The following ARHGEF10L variants were observed in gnomAD, a reference collection of about 807,000 sequenced individuals.
The protein encoded by ARHGEF10L is Rho guanine nucleotide exchange factor 10 like, also known as rho guanine nucleotide exchange factor 10-like protein.
ARHGEF10L carries 69 observed loss-of-function variants against 141.2 expected under a neutral mutation model. The ratio of observed to expected loss-of-function variants is 0.49; its 90% confidence interval spans 0.40 to 0.60. The LOEUF (loss-of-function observed/expected upper bound fraction) is 0.60, where lower values mean the gene tolerates loss of function less well. ARHGEF10L is among the 20% of genes least tolerant of loss of function. The probability of loss-of-function intolerance (pLI) is 0.00; values close to 1 mark genes in which losing one functional copy is unlikely to be tolerated. For missense variants in ARHGEF10L, 1,482 were observed against 1,734.3 expected, an observed-to-expected ratio of 0.85 and a Z score of 2.58; for synonymous variants, 711 against 718.5, an observed-to-expected ratio of 0.99 and a Z score of 0.17.
intron 15 of ARHGEF10L, among the ~76,000 whole-genome samples, chr1:17,631,657 GTGACCTGTGCCATCACACA>G (rs1338616555): frequency 1.8e-4 from 28 of 152,302 alleles, no homozygotes; most frequent in African/African-American, 5.5e-4. Context: ...GTCATCACAC[GTGACCTGTGCCATCACACA>G]TGACCTGTGC....
intron 1 of ARHGEF10L, among the ~76,000 whole-genome samples, chr1:17,565,622 G>T (rs1194047633): frequency 6.6e-6 from 1 of 152,170 alleles, no homozygotes; most frequent in Non-Finnish European, 1.5e-5. Context: ...ACCGCCAGTG[G>T]CTGTGTCTTT....
At chr1:17,695,636 C>T (rs938859218) in intron 28 of ARHGEF10L, among the ~76,000 whole-genome samples, 1 of 152,192 alleles carries the variant, frequency 6.6e-6, no homozygotes, top group Non-Finnish European at 1.5e-5. Context: ...CTTCTGGGGC[C>T]AGGCCCGGCC....
intron 16 of ARHGEF10L, chr1:17,634,218 A>AG (rs1163218946): frequency 6.4e-6 from 3 of 468,112 alleles, no homozygotes; most frequent in Non-Finnish European, 1.1e-5. Flanking sequence ...ATGTTGCTCT[A>AG]GCGCAAAGTG....
chr1:17,639,915 C>T lies in ARHGEF10L; in HGVS notation c.2172-287C>T. On this transcript the variant is annotated intron_variant, in intron 20 of 28. Coordinates refer to ENST00000361221, the MANE Select transcript of ARHGEF10L (RefSeq NM_018125.4). This position sits in a 1 kb window ranked among gnomAD's most constrained non-coding sequence, Gnocchi z 4.3. ...GGTGGAGTCACAGCCTGCAGAGGCT[C>T]TGCCGGGCACAAAGCCAGAGGCTCC... 6.9e-7 allele frequency: 1 copy of T among 1,452,684 alleles called. No homozygotes were observed. The highest frequency in any genetic ancestry group is 3.0e-5 in the East Asian group (1 of 33,348). The allele number at this position is 1,452,684 out of a possible 1,614,324, so 90.0% of individuals were successfully genotyped here.
intron 2 of ARHGEF10L, among the ~76,000 whole-genome samples, chr1:17,580,973 G>A (rs117411279): frequency 0.023 from 3,534 of 152,182 alleles, 59 homozygotes; most frequent in East Asian, 0.075. Context: ...GGGTCAGGCC[G>A]TTGAACAGTG....
Position 17,619,522 on chromosome 1 carries a change from C to A in ARHGEF10L, c.942+77C>A. 1 of 1,201,768 alleles carries A rather than the reference C, an allele frequency of 8.3e-7. No homozygotes were observed. The highest frequency in any genetic ancestry group is 1.2e-6 in the Non-Finnish European group (1 of 858,566). 74.4% of individuals were successfully genotyped at this position (1,201,768 alleles called of 1,614,324 possible). ...GGGGTTCCAGCCTGTTCTCTGGGGCCACGCTTGTCTGGATCTCACAGGGGA... is the reference window on the plus strand; with the variant it reads ...GGGGTTCCAGCCTGTTCTCTGGGGCAACGCTTGTCTGGATCTCACAGGGGA... On this transcript the variant is annotated intron_variant, in intron 10 of 28. Transcript: ENST00000361221. The surrounding 1 kb of genome is among the most constrained non-coding windows in gnomAD (Gnocchi z 5.0).
In ARHGEF10L at chr1:17,603,595, T is replaced by C; in HGVS notation, c.433+4T>C. On this transcript the variant is annotated splice_donor_region_variant and intron_variant, in intron 6 of 28. Transcript: ENST00000361221. The surrounding 1 kb of genome is among the most constrained non-coding windows in gnomAD (Gnocchi z 4.8). ...AGCCCAGATGCGCATCAGCCCGGTA[T>C]GATGTCTGCAGTGCTTCCCTGTTTC... 6.2e-6 allele frequency: 10 copies of C among 1,611,006 alleles called. No individual in the cohort carries two copies. The highest frequency in any genetic ancestry group is 6.8e-6 in the Non-Finnish European group (8 of 1,178,556).
rs1427596804 is a variant in ARHGEF10L, at chr1:17,680,781, C to T, written c.3010-6792C>T. 2.7e-5 allele frequency among the ~76,000 whole-genome samples: 4 copies of T among 147,618 alleles called. No homozygotes were observed. The East Asian group carries it at 7.9e-4, about 29-fold the overall frequency. On this transcript the variant is annotated intron_variant, in intron 26 of 28. Transcript: ENST00000361221. ...TTTTTAAATTACTTTGCCTTTTCTC[C>T]CATAACTTTTTTTTTTTTTGGAGAC...
intron 4 of ARHGEF10L, among the ~76,000 whole-genome samples, chr1:17,588,899 T>TGTGTGTGTGTGTGG (rs1557758147): frequency 6.7e-5 from 2 of 30,046 alleles, no homozygotes; most frequent in East Asian, 8.9e-4. Context: ...TGTGTGTGTG[T>TGTGTGTGTGTGTGG]AGTGGGGGAG....
chr1:17,637,932 G>A lies in ARHGEF10L; in HGVS notation c.1972G>A (p.Asp658Asn), dbSNP rs2101790847. The A allele has an allele frequency of 1.9e-6, 3 of 1,602,310 alleles. No individual in the cohort carries two copies. The highest frequency in any genetic ancestry group is 1.7e-6 in the Non-Finnish European group (2 of 1,174,524). ...GPPRLFQELQ[D>N]LQKDLAVVEQ... ...CCCACGCCTCTTCCAGGAGCTGCAG[G>A]ACCTGCAGAAGGACCTGGCCGTGGT... Residue 658 changes from aspartate (D) to asparagine (N), a missense_variant, in exon 19 of 29, where the codon GAC becomes AAC. Physicochemically the swap from Asp to Asn is conservative, Grantham distance 23. Around this residue, in one of 3 missense-constraint regions of ARHGEF10L, gnomAD observed 858 missense variants for 966.3 expected, o/e 0.89. Coordinates refer to ENST00000361221, the MANE Select transcript of ARHGEF10L (RefSeq NM_018125.4).
chr1:17,606,282 TTTCTTC>T (rs534097160), intron 6 of ARHGEF10L, among the ~76,000 whole-genome samples: 3 of 152,048 alleles, frequency 2.0e-5, no homozygotes, highest in Admixed American at 6.6e-5. Flanking sequence ...GCAGATTTCT[TTTCTTC>T]TTCTTCTTCT....
At position 17,603,345 on chromosome 1, in the gene ARHGEF10L, G is replaced by A. The variant is rs1050369477; in HGVS notation, c.350-163G>A. On this transcript the variant is annotated intron_variant, in intron 5 of 28. Transcript: ENST00000361221. This position sits in a 1 kb window ranked among gnomAD's most constrained non-coding sequence, Gnocchi z 4.8. ...GGGGGCGGGGAGAAGCGAGGGAGCCGGCATCCCCTGAGGGCAGCTGGCGGA... is the reference window on the plus strand; with the variant it reads ...GGGGGCGGGGAGAAGCGAGGGAGCCAGCATCCCCTGAGGGCAGCTGGCGGA... Among the ~76,000 whole-genome samples, 1 of 151,736 alleles carries A rather than the reference G, an allele frequency of 6.6e-6. No individual in the cohort carries two copies. The highest frequency in any genetic ancestry group is 1.5e-5 in the Non-Finnish European group (1 of 67,870).
rs567849056 is a variant in ARHGEF10L at position 17,640,818 on chromosome 1, G to C, written c.2272+516G>C. Among the ~76,000 whole-genome samples the C allele has an allele frequency of 2.0e-5, 3 of 152,278 alleles. No homozygotes were observed. The East Asian group carries it at 5.8e-4, about 29-fold the overall frequency. On this transcript the variant is annotated intron_variant, in intron 21 of 28. Coordinates refer to ENST00000361221, the MANE Select transcript of ARHGEF10L (RefSeq NM_018125.4). ...CTGATTCTCAAAGACCAAAGACCTC[G>C]TTACTATGTTTTTCTTCCTGTGCAC...
intron 6 of ARHGEF10L, among the ~76,000 whole-genome samples, chr1:17,605,843 A>G (rs900300204): frequency 2.6e-5 from 4 of 152,168 alleles, no homozygotes; most frequent in African/African-American, 9.7e-5. Context: ...CACTGCAATA[A>G]CAGGACAATC....
intron 1 of ARHGEF10L, among the ~76,000 whole-genome samples, chr1:17,551,100 G>A (rs991593269): frequency 1.3e-5 from 2 of 152,080 alleles, no homozygotes; most frequent in African/African-American, 4.8e-5. Flanking sequence ...AGTCCACCTC[G>A]TTTGCCCACG....
intron 1 of ARHGEF10L, among the ~76,000 whole-genome samples, chr1:17,557,902 C>T (rs141608548): frequency 3.3e-5 from 5 of 152,282 alleles, no homozygotes; most frequent in Non-Finnish European, 7.4e-5. Flanking sequence ...AGCTAGGATT[C>T]CTGGGTTGCT....
intron 9 of ARHGEF10L, 124 bp downstream of exon 9, chr1:17,616,326 T>A: frequency 1.3e-6 from 1 of 794,882 alleles, no homozygotes; most frequent in Non-Finnish European, 2.0e-6. Flanking sequence ...ATGGTTCCTC[T>A]GGTGGTGGGG....
chr1:17,542,063 C>T (rs6663944), intron 1 of ARHGEF10L, among the ~76,000 whole-genome samples: 87,905 of 151,602 alleles, frequency 0.58, 25,761 homozygotes, highest in East Asian at 0.8. Context: ...CGCTTGAACC[C>T]GGGAGGCGGA....
At chr1:17,602,657 G>C (rs1377773757) in intron 5 of ARHGEF10L, among the ~76,000 whole-genome samples, 3 of 152,106 alleles carry the variant, frequency 2.0e-5, no homozygotes, top group African/African-American at 7.2e-5. Context: ...CCTGACTCCC[G>C]GGAAGCAGCA....
Sources: gnomAD v4.1 joint callset for allele counts (sites outside exome capture counted in the v4.1 genomes callset) on GRCh38, gnomAD v4.1.1 for gene constraint, gnomAD v4.1.1 regional missense constraint, Gnocchi (gnomAD v3.1) non-coding constraint, MANE v1.5 for transcripts, NCBI Gene and HGNC (gene_info 2026-07-23, HGNC 2026-07-21) for gene names.